CNTN5: variants seen among roughly 807,000 people sequenced by gnomAD.
CNTN5 encodes the protein contactin-5.
Under a neutral mutation model 129.1 loss-of-function variants are expected in CNTN5, and 77 were observed. The ratio of observed to expected loss-of-function variants is 0.60; its 90% CI spans 0.50 to 0.72. CNTN5 has a LOEUF of 0.72. Among genes scored for constraint, CNTN5 ranks in the 30% least tolerant of loss-of-function variants. The probability of loss-of-function intolerance (pLI) is 0.00; values close to 1 mark genes in which losing one functional copy is unlikely to be tolerated. For missense variants in CNTN5, 1,478 were observed against 1,328.8 expected, an observed-to-expected ratio of 1.11 and a Z score of -1.75; for synonymous variants, 509 against 465.6, an observed-to-expected ratio of 1.09 and a Z score of -1.20.
In CNTN5 at chr11:99,963,373, A is replaced by G. The variant is rs950128720; in HGVS notation, c.877+6364A>G. On this transcript the variant is annotated intron_variant, in intron 8 of 24. Transcript: ENST00000524871. ...AGGGGATCCAGTTTCAGCTTTCTACATATGGCTAGCCAGTTTTCCCAGCAC... is the reference window on the plus strand; with the variant it reads ...AGGGGATCCAGTTTCAGCTTTCTACGTATGGCTAGCCAGTTTTCCCAGCAC... Among the ~76,000 whole-genome samples, 32 of 152,338 alleles carry G rather than the reference A, an allele frequency of 2.1e-4. No homozygotes were observed. The East Asian group carries it at 2.5e-3, about 12-fold the overall frequency.
chr11:99,873,791 A>T (rs1039635005), intron 6 of CNTN5, among the ~76,000 whole-genome samples: 6 of 152,134 alleles, frequency 3.9e-5, no homozygotes, highest in Non-Finnish European at 8.8e-5. Context: ...ACAATAGCAA[A>T]ATCTTGTAGC....
chr11:99,492,894 T>C (rs947861145), intron 2 of CNTN5, among the ~76,000 whole-genome samples: 1 of 152,222 alleles, frequency 6.6e-6, no homozygotes, highest in Non-Finnish European at 1.5e-5. Context: ...GTTCAGATTC[T>C]TCTTGGCATC....
Position 99,804,169 on chromosome 11 carries a change from T to C in CNTN5, c.56-15375T>C, listed in dbSNP as rs1352508426. 3.3e-5 allele frequency among the ~76,000 whole-genome samples: 5 copies of C among 152,212 alleles called. No homozygotes were observed. The East Asian group carries it at 9.7e-4, about 29-fold the overall frequency. ...TACAGTATACTGAATAAAAATAATT[T>C]ATAAAATTAAATATGAATAATAATG... On this transcript the variant is annotated intron_variant, in intron 3 of 24. Transcript: ENST00000524871.
At chr11:99,947,359 T>C (rs1022484445) in intron 7 of CNTN5, among the ~76,000 whole-genome samples, 1 of 143,130 alleles carries the variant, frequency 7.0e-6, no homozygotes, top group Non-Finnish European at 1.5e-5. Context: ...TTTTTTTTTT[T>C]AAACAGGTGA....
At chr11:99,115,342 T>C (rs1857991808) in intron 1 of CNTN5, among the ~76,000 whole-genome samples, 1 of 152,204 alleles carries the variant, frequency 6.6e-6, no homozygotes, top group Admixed American at 6.5e-5. Context: ...AAGGAAAAAT[T>C]AAATGAAATG....
intron 2 of CNTN5, among the ~76,000 whole-genome samples, chr11:99,551,748 A>G (rs975308352): frequency 6.6e-6 from 1 of 152,154 alleles, no homozygotes; most frequent in Non-Finnish European, 1.5e-5. Context: ...TAATGTAGGC[A>G]ATTATAACAC....
At chr11:99,407,465 C>T (rs991499268) in intron 2 of CNTN5, among the ~76,000 whole-genome samples, 2 of 152,036 alleles carry the variant, frequency 1.3e-5, no homozygotes, top group African/African-American at 4.8e-5. Flanking sequence ...TGTCTCCTCT[C>T]CTAAAGTGGA....
intron 3 of CNTN5, among the ~76,000 whole-genome samples, chr11:99,592,961 C>T (rs774538800): frequency 2.2e-4 from 34 of 151,744 alleles, no homozygotes; most frequent in African/African-American, 7.0e-4. Flanking sequence ...GTTTTGCAAA[C>T]GAAATGTGAG....
intron 8 of CNTN5, among the ~76,000 whole-genome samples, chr11:100,000,975 G>T (rs1286396240): frequency 2.1e-4 from 32 of 152,164 alleles, no homozygotes; most frequent in Admixed American, 2.0e-3. Context: ...TGGGGCCCCA[G>T]GCTGGCCATG....
intron 16 of CNTN5, among the ~76,000 whole-genome samples, chr11:100,226,833 T>C (rs2138635269): frequency 6.6e-6 from 1 of 152,250 alleles, no homozygotes; most frequent in African/African-American, 2.4e-5. Flanking sequence ...CTGTTTTTAA[T>C]GTTGGCTTGC....
intron 2 of CNTN5, among the ~76,000 whole-genome samples, chr11:99,445,180 G>A (rs1193039798): frequency 6.7e-6 from 1 of 150,152 alleles, no homozygotes; most frequent in East Asian, 1.9e-4. Context: ...ATATATGGGT[G>A]TGGTGTGTGT....
intron 13 of CNTN5, 132 bp from the exon 14 acceptor site, chr11:100,190,994 G>A: frequency 2.0e-6 from 1 of 508,522 alleles, no homozygotes; most frequent in East Asian, 3.2e-5. Context: ...TACTATCACT[G>A]CATATTTTCA....
At chr11:99,439,459 A>G (rs1591059886) in intron 2 of CNTN5, among the ~76,000 whole-genome samples, 4 of 151,990 alleles carry the variant, frequency 2.6e-5, no homozygotes, top group Admixed American at 2.6e-4. Context: ...TGTAATCCCA[A>G]CACTTTGGGA....
chr11:99,048,825 A>C (rs1408775880), intron 1 of CNTN5, among the ~76,000 whole-genome samples: 1 of 152,186 alleles, frequency 6.6e-6, no homozygotes, highest in Non-Finnish European at 1.5e-5. Context: ...CCCACATCTT[A>C]GGTAAAAATG....
At chr11:99,400,326 T>C (rs137868540) in intron 2 of CNTN5, among the ~76,000 whole-genome samples, 184 of 152,240 alleles carry the variant, frequency 1.2e-3, no homozygotes, top group African/African-American at 4.3e-3. Flanking sequence ...TCCAGTTCAT[T>C]ATGAACGGAA....
chr11:99,788,585 C>T (rs1224175631), intron 3 of CNTN5, among the ~76,000 whole-genome samples: 2 of 152,008 alleles, frequency 1.3e-5, no homozygotes, highest in East Asian at 3.9e-4. Flanking sequence ...ATACAAGTCA[C>T]AGTGATAGGC....
chr11:99,278,681 A>T (rs1863559486), intron 1 of CNTN5, among the ~76,000 whole-genome samples: 1 of 151,768 alleles, frequency 6.6e-6, no homozygotes, highest in Admixed American at 6.6e-5. Flanking sequence ...TACCAAGCTG[A>T]GGCAACAAGA....
rs148808101 is a variant in CNTN5, at chr11:99,855,408, A to T, written c.577+10146A>T. On this transcript the variant is annotated intron_variant, in intron 6 of 24. Transcript: ENST00000524871. ...AAACAGAAATCATAATCCAAGGCAA[A>T]CCATTTTCCAGCTTTCTCTGTAATT... Among the ~76,000 whole-genome samples the T allele has an allele frequency of 1.1e-3, 169 of 152,318 alleles. 1 individual carries two copies. Among genetic ancestry groups the T allele is most frequent in the African/African-American group, 3.8e-3 (158 of 41,572 alleles).
At chr11:100,046,752 C>T (rs1318621052) in intron 9 of CNTN5, among the ~76,000 whole-genome samples, 1 of 151,680 alleles carries the variant, frequency 6.6e-6, no homozygotes, top group Admixed American at 6.6e-5. Context: ...GTAGTTTGTA[C>T]CATATTAGGC....
Sources: allele counts gnomAD v4.1 joint callset (sites outside exome capture counted in the v4.1 genomes callset), GRCh38; gene constraint gnomAD v4.1.1; transcripts MANE v1.5; gene names NCBI Gene and HGNC (gene_info 2026-07-23, HGNC 2026-07-21).